The following GALNT5 variants were observed in gnomAD, a reference collection of about 807,000 sequenced individuals.
The protein encoded by GALNT5 is polypeptide N-acetylgalactosaminyltransferase 5, also known as UDP-GalNAc:polypeptide N-acetylgalactosaminyltransferase 5.
GALNT5 carries 72 observed loss-of-function variants against 85.4 expected under a neutral mutation model. That is an observed-to-expected ratio of 0.84 (90% CI 0.70 to 1.03). GALNT5 has a LOEUF of 1.03. Ranked by LOEUF, GALNT5 falls within the 50% of genes least tolerant of loss-of-function variation. GALNT5 has a pLI of 0.00. For missense variants in GALNT5, 1,137 were observed against 1,135.5 expected (o/e 1.00, Z -0.02); for synonymous variants, 404 against 397.0 (o/e 1.02, Z -0.21).
chr2:157,306,005 G>A (rs1683447500), intron 8 of GALNT5, among the ~76,000 whole-genome samples, 176 bp downstream of exon 8: 2 of 152,118 alleles, frequency 1.3e-5, no homozygotes, highest in Admixed American at 1.3e-4. Flanking sequence ...AAAGGTGTGG[G>A]TCCTGCAGTC....
Position 157,284,403 on chromosome 2 carries a change from C to A in GALNT5, c.1576C>A (p.His526Asn), listed in dbSNP as rs1391816341. 4 of 1,613,688 alleles carry A rather than the reference C, an allele frequency of 2.5e-6. No individual in the cohort carries two copies. The Admixed American group carries it at 6.7e-5, about 27-fold the overall frequency. Residue 526 changes from histidine to asparagine, a missense_variant, in exon 2 of 10, where the codon CAC (histidine) becomes AAC (asparagine). Coordinates refer to ENST00000259056, the MANE Select transcript of GALNT5 (RefSeq NM_014568.3). ...VHSVINRSPP[H>N]LIKEILLVDD... ...CAGTGTCATCAATCGCTCTCCTCCA[C>A]ACCTCATCAAGGAGATTCTGCTGGT...
chr2:157,270,667 G>T (rs1489861312), intron 1 of GALNT5, among the ~76,000 whole-genome samples: 1 of 152,046 alleles, frequency 6.6e-6, no homozygotes, highest in Non-Finnish European at 1.5e-5. Context: ...AATATTTATT[G>T]TGTAACTGTG....
At chr2:157,290,067 C>A (rs962713664) in intron 3 of GALNT5, among the ~76,000 whole-genome samples, 1 of 125,050 alleles carries the variant, frequency 8.0e-6, no homozygotes. Flanking sequence ...GAGCAAAATT[C>A]TGTCTCAAAA....
At chr2:157,298,481 C>T (rs1005295973) in intron 5 of GALNT5, among the ~76,000 whole-genome samples, 5 of 152,130 alleles carry the variant, frequency 3.3e-5, no homozygotes, top group Non-Finnish European at 7.3e-5. Context: ...GCCAATTCAC[C>T]GCAGCCTTTC....
chr2:157,274,916 C>T (rs566426345), intron 1 of GALNT5, among the ~76,000 whole-genome samples: 1 of 152,250 alleles, frequency 6.6e-6, no homozygotes, highest in South Asian at 2.1e-4. Flanking sequence ...ATGCCTATGT[C>T]CTGAATGGTA....
Position 157,258,292 on chromosome 2 carries a change from C to T in GALNT5, c.210C>T (p.Ser70=), listed in dbSNP as rs1259167261. The change falls in exon 1 of 10, where the codon AGC becomes AGT. Residue 70 remains serine (S), a synonymous_variant. Transcript: ENST00000259056. ...ACCAAGGAAAAATTTTTTACAGCAG[C>T]ATAAAAGAGATGAAACCTCCCCTAA... The part of the protein sequence containing the change: ...QPDQGKIFYS[S]IKEMKPPLRG... 6.3e-7 allele frequency: 1 copy of T among 1,598,742 alleles called. No individual in the cohort carries two copies. The highest frequency in any genetic ancestry group is 8.5e-7 in the Non-Finnish European group (1 of 1,174,246).
At position 157,264,096 on chromosome 2, in the gene GALNT5, T is replaced by A. The variant is rs1682407030; in HGVS notation, c.1454+4560T>A. On this transcript the variant is annotated intron_variant, in intron 1 of 9. Coordinates refer to ENST00000259056, the MANE Select transcript of GALNT5 (RefSeq NM_014568.3). ...AGTTAAAGTTCCATATTTAATCTTT[T>A]TTTAATTAAAAGCTAATCCTTTCAG... is the stretch of plus-strand genomic sequence containing the variant. Among the ~76,000 whole-genome samples, 8 of 152,208 alleles carry A rather than the reference T, an allele frequency of 5.3e-5. No homozygotes were observed. The South Asian group carries it at 1.7e-3, about 32-fold the overall frequency.
chr2:157,258,749 A>C lies in GALNT5; in HGVS notation c.667A>C (p.Ser223Arg). ...GGACTTGAATGTGACCATCAGTCTT[A>C]GTACTGATAGACCAAAGCAGCGATC... is the stretch of plus-strand genomic sequence containing the variant. ...ERDLNVTISL[S>R]TDRPKQRSQA... Residue 223 changes from serine to arginine, a missense_variant, in exon 1 of 10, where the codon AGT becomes CGT. Ser to Arg is a moderately radical substitution (Grantham distance 110, BLOSUM62 -1). Transcript: ENST00000259056. 1 of 1,613,440 alleles carries C rather than the reference A, an allele frequency of 6.2e-7. No homozygotes were observed. Among genetic ancestry groups the C allele is most frequent in the Non-Finnish European group, 8.5e-7 (1 of 1,179,506 alleles).
At chr2:157,306,774 T>C (rs1172014765) in intron 8 of GALNT5, among the ~76,000 whole-genome samples, 1 of 152,216 alleles carries the variant, frequency 6.6e-6, no homozygotes, top group Non-Finnish European at 1.5e-5. Context: ...AACTCAGAGC[T>C]ACTACTAGAA....
At chr2:157,269,393 T>G (rs16841462) in intron 1 of GALNT5, among the ~76,000 whole-genome samples, 1,763 of 152,260 alleles carry the variant, frequency 0.012, 35 homozygotes, top group African/African-American at 0.04. Context: ...CTCTTTTGGG[T>G]CCCTCTTTCC....
intron 1 of GALNT5, among the ~76,000 whole-genome samples, chr2:157,272,053 AAT>A (rs1682600904): frequency 1.3e-5 from 2 of 152,196 alleles, no homozygotes; most frequent in Admixed American, 1.3e-4. Context: ...AAAATTAAAA[AAT>A]AGAGAGTGGC....
Position 157,258,485 on chromosome 2 carries a change from C to G in GALNT5, c.403C>G (p.Leu135Val). The change falls in exon 1 of 10, where the codon CTC (leucine) becomes GTC (valine). Residue 135 changes from leucine (L) to valine (V), a missense_variant. Leu to Val is a conservative substitution (Grantham distance 32). Transcript: ENST00000259056. ...PLWHPAHLQT[L>V]PVTPNKQKTD... ...GTGGCATCCTGCACATCTGCAGACCCTCCCTGTGACTCCTAACAAGCAGAA... is the reference window on the plus strand; with the variant it reads ...GTGGCATCCTGCACATCTGCAGACCGTCCCTGTGACTCCTAACAAGCAGAA... 1 of 1,608,016 alleles carries G rather than the reference C, an allele frequency of 6.2e-7. No individual in the cohort carries two copies. The highest frequency in any genetic ancestry group is 2.2e-5 in the East Asian group (1 of 44,700).
intron 3 of GALNT5, among the ~76,000 whole-genome samples, chr2:157,290,112 T>TATATATATATATAC (rs1416458086): frequency 4.3e-5 from 6 of 138,232 alleles, no homozygotes; most frequent in African/African-American, 1.2e-4. Context: ...TATATATATA[T>TATATATATATATAC]ACATACACAA....
At position 157,257,756 on chromosome 2, in the gene GALNT5, C is replaced by T. The variant is rs115353605; in HGVS notation, c.-327C>T. On this transcript the variant is annotated 5_prime_UTR_variant, in exon 1 of 10. Transcript: ENST00000259056. ...TTGTAGGAAGGTGGACATGGGCTCC[C>T]GGAGACAAGACAAGTGATATGTTGA... The T allele has an allele frequency of 4.5e-3, 1,133 of 250,450 alleles. 16 individuals carry two copies. Among genetic ancestry groups the T allele is most frequent in the African/African-American group, 0.024 (1,064 of 45,020 alleles). The allele number at this position is 250,450 out of a possible 1,614,324, so 15.5% of individuals were successfully genotyped here. A position where few individuals can be genotyped will look rare whatever the true frequency, so the allele number is the denominator to read the frequency against.
intron 1 of GALNT5, among the ~76,000 whole-genome samples, chr2:157,268,788 C>T (rs1574013230): frequency 7.2e-6 from 1 of 139,796 alleles, no homozygotes; most frequent in South Asian, 2.1e-4. Context: ...GCCTAGATTC[C>T]CCCCCAAGAC....
chr2:157,282,818 T>C (rs770579504), intron 1 of GALNT5, among the ~76,000 whole-genome samples: 7 of 152,220 alleles, frequency 4.6e-5, no homozygotes. Context: ...GGGTAAGTCA[T>C]TTAACTTCCC....
chr2:157,294,784 CCACACACACACACACACACA>C (rs60607353), intron 3 of GALNT5, among the ~76,000 whole-genome samples: 3 of 146,928 alleles, frequency 2.0e-5, no homozygotes, highest in Non-Finnish European at 3.0e-5. Context: ...TCACATCACA[CCACACACACACACACACACA>C]CACACACACA....
intron 5 of GALNT5, 28 bp downstream of exon 5, chr2:157,296,541 A>T: frequency 6.4e-7 from 1 of 1,571,974 alleles, no homozygotes; most frequent in Non-Finnish European, 8.7e-7. Context: ...AAGACTAGAA[A>T]GCAGTCATGT....
chr2:157,258,760 A>G lies in GALNT5; in HGVS notation c.678A>G (p.Arg226=). ...TGACCATCAGTCTTAGTACTGATAG[A>G]CCAAAGCAGCGATCACAGGCAGTAG... is the stretch of plus-strand genomic sequence containing the variant. ...LNVTISLSTD[R]PKQRSQAVAN... The change falls in exon 1 of 10, where the codon AGA becomes AGG. Residue 226 remains arginine (R), a synonymous_variant. Transcript: ENST00000259056. 1 of 1,611,900 alleles carries G rather than the reference A, an allele frequency of 6.2e-7. No individual in the cohort carries two copies. The highest frequency in any genetic ancestry group is 8.5e-7 in the Non-Finnish European group (1 of 1,178,268).
Sources: gnomAD v4.1 joint callset for allele counts (sites outside exome capture counted in the v4.1 genomes callset) on GRCh38, gnomAD v4.1.1 for gene constraint, MANE v1.5 for transcripts, NCBI Gene and HGNC (gene_info 2026-07-23, HGNC 2026-07-21) for gene names.